The following CNTN5 variants were observed in gnomAD, a reference collection of about 807,000 sequenced individuals.
CNTN5 encodes the protein contactin-5.
A neutral mutation model predicts 129.1 loss-of-function variants in CNTN5; 77 were observed. The ratio of observed to expected loss-of-function variants is 0.60; its 90% CI spans 0.50 to 0.72. The LOEUF (loss-of-function observed/expected upper bound fraction) is 0.72. Ranked by LOEUF, CNTN5 falls within the 30% of genes least tolerant of loss-of-function variation. The probability of loss-of-function intolerance (pLI) is 0.00; values close to 1 mark genes in which losing one functional copy is unlikely to be tolerated. For synonymous variants in CNTN5, 509 were observed against 465.6 expected, an observed-to-expected ratio of 1.09 and a Z score of -1.20; for missense variants, 1,478 against 1,328.8, an observed-to-expected ratio of 1.11 and a Z score of -1.75.
intron 3 of CNTN5, among the ~76,000 whole-genome samples, chr11:99,721,343 T>C (rs530282591): frequency 6.6e-6 from 1 of 152,208 alleles, no homozygotes; most frequent in Non-Finnish European, 1.5e-5. Flanking sequence ...TATATGTCCA[T>C]CTGATCTTTT....
chr11:99,679,685 C>G (rs1022897476), intron 3 of CNTN5, among the ~76,000 whole-genome samples: 2 of 152,122 alleles, frequency 1.3e-5, no homozygotes, highest in South Asian at 4.1e-4. Context: ...AGTTAAGAAC[C>G]CTACCGTGGC....
At chr11:99,071,188 A>G (rs1296045366) in intron 1 of CNTN5, among the ~76,000 whole-genome samples, 1 of 152,164 alleles carries the variant, frequency 6.6e-6, no homozygotes, top group African/African-American at 2.4e-5. Context: ...CAAAGAACAT[A>G]AAATATATAC....
At chr11:99,359,836 A>T (rs1938977685) in intron 2 of CNTN5, among the ~76,000 whole-genome samples, 1 of 152,036 alleles carries the variant, frequency 6.6e-6, no homozygotes, top group African/African-American at 2.4e-5. Flanking sequence ...ATTCTATTCC[A>T]AAAGGAGGAA....
At chr11:99,662,019 A>C (rs943466779) in intron 3 of CNTN5, among the ~76,000 whole-genome samples, 22 of 152,154 alleles carry the variant, frequency 1.4e-4, no homozygotes, top group African/African-American at 5.1e-4. Flanking sequence ...TCAGGATGAC[A>C]AGTAATACCT....
rs530234428 is a variant in CNTN5, at chr11:99,299,604, A to G, written c.-209-25742A>G. 3.9e-4 allele frequency among the ~76,000 whole-genome samples: 60 copies of G among 152,286 alleles called. 2 individuals are homozygous for G. In the South Asian group the frequency reaches 0.012, roughly 31 times the overall value. On this transcript the variant is annotated intron_variant, in intron 1 of 24. Coordinates refer to ENST00000524871, the MANE Select transcript of CNTN5 (RefSeq NM_014361.4). ...CTTATTGCCCATTGTATACCCATAT[A>G]TGTCCATTGTTTAGCTTCCACATAT...
At chr11:99,706,137 A>G (rs1224281937) in intron 3 of CNTN5, among the ~76,000 whole-genome samples, 2 of 151,490 alleles carry the variant, frequency 1.3e-5, no homozygotes, top group African/African-American at 4.8e-5. Context: ...TAGTGCTGCT[A>G]TCAATAAAAG....
At chr11:99,917,414 A>G (rs549712650) in intron 7 of CNTN5, among the ~76,000 whole-genome samples, 1 of 152,258 alleles carries the variant, frequency 6.6e-6, no homozygotes, top group East Asian at 1.9e-4. Flanking sequence ...AATTTTTATT[A>G]CATTTAGGGA....
intron 3 of CNTN5, among the ~76,000 whole-genome samples, chr11:99,815,751 A>G (rs1396857390): frequency 1.3e-5 from 2 of 152,154 alleles, no homozygotes; most frequent in Non-Finnish European, 2.9e-5. Context: ...TGATTTAACA[A>G]AAGTGGGTCT....
chr11:99,056,675 G>A (rs12274234), intron 1 of CNTN5, among the ~76,000 whole-genome samples: 13,856 of 151,944 alleles, frequency 0.091, 1,162 homozygotes, highest in East Asian at 0.23. Context: ...CTCTAGGTCT[G>A]GGTGCCAGAC....
chr11:100,106,180 G>A (rs2138088063), intron 13 of CNTN5, among the ~76,000 whole-genome samples: 1 of 152,250 alleles, frequency 6.6e-6, no homozygotes. Flanking sequence ...AGTGACATGG[G>A]AGTTTAAATA....
chr11:100,231,261 T>C (rs750813804), intron 16 of CNTN5, among the ~76,000 whole-genome samples: 10 of 152,204 alleles, frequency 6.6e-5, no homozygotes, highest in Non-Finnish European at 1.3e-4. Context: ...ATGTTGAGTG[T>C]TTTAGAGGAC....
chr11:99,950,513 C>G (rs541679992), intron 7 of CNTN5, among the ~76,000 whole-genome samples: 1 of 152,158 alleles, frequency 6.6e-6, no homozygotes, highest in Non-Finnish European at 1.5e-5. Context: ...AATCTTGATT[C>G]TTTCTCTTGG....
chr11:99,174,864 T>C (rs1857697447), intron 1 of CNTN5, among the ~76,000 whole-genome samples: 2 of 152,262 alleles, frequency 1.3e-5, no homozygotes, highest in South Asian at 2.1e-4. Context: ...GATAAAATTG[T>C]ATCTGTGGCT....
Position 99,870,082 on chromosome 11 carries a change from A to G in CNTN5, c.577+24820A>G, listed in dbSNP as rs540417904. On this transcript the variant is annotated intron_variant, in intron 6 of 24. Coordinates refer to ENST00000524871, the MANE Select transcript of CNTN5 (RefSeq NM_014361.4). The stretch of plus-strand genomic sequence containing the variant: ...TTTTGCTAGTGGAACTGGGAATAGC[A>G]TAATAAATGTGTTGTGATTGAGGAT... 2.8e-4 allele frequency among the ~76,000 whole-genome samples: 43 copies of G among 152,308 alleles called. No homozygotes were observed. The South Asian group carries it at 8.9e-3, about 32-fold the overall frequency.
At position 100,016,431 on chromosome 11, in the gene CNTN5, A is replaced by G. The variant is rs547353276; in HGVS notation, c.980+14295A>G. ...ATACTATTTAAATATGCAATTAAAT[A>G]AATGATTATACATGTGCAATGTATA... is the stretch of plus-strand genomic sequence containing the variant. On this transcript the variant is annotated intron_variant, in intron 9 of 24. Transcript: ENST00000524871. Among the ~76,000 whole-genome samples the G allele has an allele frequency of 2.0e-5, 3 of 152,250 alleles. No homozygotes were observed. The East Asian group carries it at 5.8e-4, about 29-fold the overall frequency.
chr11:99,633,054 A>T (rs1007147887), intron 3 of CNTN5, among the ~76,000 whole-genome samples: 1 of 152,150 alleles, frequency 6.6e-6, no homozygotes, highest in African/African-American at 2.4e-5. Flanking sequence ...GGACTGTAAA[A>T]GTATGAGTCA....
chr11:99,522,719 T>C (rs1389578372), intron 2 of CNTN5, among the ~76,000 whole-genome samples: 1 of 152,206 alleles, frequency 6.6e-6, no homozygotes, highest in Non-Finnish European at 1.5e-5. Flanking sequence ...AAAGAATACT[T>C]TTTAAGTTGT....
intron 1 of CNTN5, among the ~76,000 whole-genome samples, chr11:99,232,034 C>T (rs1195904721): frequency 6.6e-6 from 1 of 152,186 alleles, no homozygotes; most frequent in Non-Finnish European, 1.5e-5. Flanking sequence ...CACTACCATA[C>T]TGCTTTAGTT....
rs187662705 is a variant in CNTN5 at position 99,290,163 on chromosome 11, C to T, written c.-209-35183C>T. Among the ~76,000 whole-genome samples the T allele has an allele frequency of 3.0e-3, 458 of 151,742 alleles. 3 individuals carry two copies. Among genetic ancestry groups the T allele is most frequent in the African/African-American group, 0.01 (433 of 41,454 alleles). ...CCTTATATACTGAATGCTTATTGAG[C>T]GCTTGCCACTTTATTTAGTTCATGT... On this transcript the variant is annotated intron_variant, in intron 1 of 24. Coordinates refer to ENST00000524871, the MANE Select transcript of CNTN5 (RefSeq NM_014361.4).
Sources: gnomAD v4.1 joint callset for allele counts (sites outside exome capture counted in the v4.1 genomes callset) on GRCh38, gnomAD v4.1.1 for gene constraint, MANE v1.5 for transcripts, NCBI Gene and HGNC (gene_info 2026-07-23, HGNC 2026-07-21) for gene names.